Variants in SCLY observed in about 807,000 individuals in gnomAD.
The protein encoded by SCLY is selenocysteine lyase.
In SCLY, 38 loss-of-function variants were observed where a neutral mutation model predicts 50.1. The ratio of observed to expected loss-of-function variants is 0.76; its 90% CI spans 0.59 to 0.99. The LOEUF (loss-of-function observed/expected upper bound fraction) is 0.99. Among genes scored for constraint, SCLY ranks in the 50% least tolerant of loss-of-function variants. SCLY has a pLI of 0.00. For missense variants in SCLY, 600 were observed against 620.0 expected (o/e 0.97, Z 0.34); for synonymous variants, 243 against 249.4 (o/e 0.97, Z 0.24).
chr2:238,061,190 C>A (rs1046614938), intron 1 of SCLY, 47 bp downstream of exon 1: 7 of 1,373,154 alleles, frequency 5.1e-6, no homozygotes, highest in Non-Finnish European at 7.0e-6. Context: ...CGCCTGTCGC[C>A]GATTGTCCCG....
At position 238,069,580 on chromosome 2, in the gene SCLY, A is replaced by C. The variant is rs774851013; in HGVS notation, c.484+103A>C. ...CCCGGGATCCGCTGCAGAGATGTAG[A>C]TTCAGTGTGCCACTCACTGTAACTC... On this transcript the variant is annotated intron_variant, in intron 4 of 11. Coordinates refer to ENST00000254663, the MANE Select transcript of SCLY (RefSeq NM_016510.7). The surrounding 1 kb of genome is among the most constrained non-coding windows in gnomAD (Gnocchi z 5.0). 141 of 1,077,470 alleles carry C rather than the reference A, an allele frequency of 1.3e-4. No homozygotes were observed. The highest frequency in any genetic ancestry group is 1.7e-4 in the Non-Finnish European group (133 of 764,384). 66.7% of individuals were successfully genotyped at this position (1,077,470 alleles called of 1,614,324 possible). A position where few individuals can be genotyped will look rare whatever the true frequency, so the allele number is the denominator to read the frequency against.
At chr2:238,077,974 C>T (rs1211792594) in intron 4 of SCLY, among the ~76,000 whole-genome samples, 4 of 140,192 alleles carry the variant, frequency 2.9e-5, no homozygotes, top group African/African-American at 8.1e-5. Context: ...TTTTTTTAGA[C>T]GGAATCTCGC....
rs139477296 is a variant in SCLY at position 238,093,865 on chromosome 2, C to T, written c.926C>T (p.Ala309Val). The change falls in exon 9 of 12, where the codon GCG (alanine) becomes GTG (valine). Residue 309 changes from alanine (A) to valine (V), a missense_variant. Ala to Val is a moderately conservative substitution (Grantham distance 64). Transcript: ENST00000254663. ...TPMIAGLGKA[A>V]ELVTQNCEAY... ...TTGTTGTGTGTCTGCCCCCAGGCCG[C>T]GGAGCTGGTGACCCAGAACTGCGAG... 159 of 1,613,628 alleles carry T rather than the reference C, an allele frequency of 9.9e-5. No homozygotes were observed. Among genetic ancestry groups the T allele is most frequent in the Non-Finnish European group, 1.3e-4 (154 of 1,179,860 alleles).
At chr2:238,084,890 T>C (rs1443354775) in intron 7 of SCLY, among the ~76,000 whole-genome samples, 1 of 18,964 alleles carries the variant, frequency 5.3e-5, no homozygotes, top group Admixed American at 6.0e-4. Flanking sequence ...AGAGACTCCA[T>C]CTCAAAAAAA....
At chr2:238,082,582 A>G in intron 6 of SCLY, 1 of 223,920 alleles carries the variant, frequency 4.5e-6, no homozygotes, top group South Asian at 1.0e-4. Context: ...AGATGTAGGG[A>G]CAGGAAATCG....
At chr2:238,090,677 C>G (rs2065352524) in intron 7 of SCLY, among the ~76,000 whole-genome samples, 1 of 151,438 alleles carries the variant, frequency 6.6e-6, no homozygotes, top group African/African-American at 2.4e-5. Flanking sequence ...ATTTTTTTTT[C>G]CTGAAAATAG....
At chr2:238,089,547 ACCTGCGG>A (rs1222169511) in intron 7 of SCLY, among the ~76,000 whole-genome samples, 1 of 152,138 alleles carries the variant, frequency 6.6e-6, no homozygotes, top group African/African-American at 2.4e-5. Context: ...AGCTTGTCCA[ACCTGCGG>A]CCTGCAGGCT....
rs2106438261 is a variant in SCLY, at chr2:238,069,471, G to A, written c.478G>A (p.Val160Met). The A allele has an allele frequency of 6.2e-7, 1 of 1,611,602 alleles. No homozygotes were observed. Among genetic ancestry groups the A allele is most frequent in the Non-Finnish European group, 8.5e-7 (1 of 1,178,738 alleles). Residue 160 changes from valine to methionine, a missense_variant, in exon 4 of 12, where the codon GTG becomes ATG. Val to Met is a conservative substitution (Grantham distance 21). Coordinates refer to ENST00000254663, the MANE Select transcript of SCLY (RefSeq NM_016510.7). The surrounding 1 kb of genome is among the most constrained non-coding windows in gnomAD (Gnocchi z 5.0). ...CCTGGAGCACCTGGTGGAAGAACAAGTGGCAGGTGAGTGAGTGCAGGGTGG... is the reference window on the plus strand; with the variant it reads ...CCTGGAGCACCTGGTGGAAGAACAAATGGCAGGTGAGTGAGTGCAGGGTGG... ...LPLEHLVEEQ[V>M]AAVTFVPVSK...
chr2:238,081,046 G>C (rs2065231624), intron 4 of SCLY: 2 of 152,350 alleles, frequency 1.3e-5, no homozygotes, highest in Admixed American at 1.3e-4. Context: ...GCCCAGGCTG[G>C]TCTTGAACCC....
At position 238,066,459 on chromosome 2, in the gene SCLY, G is replaced by C. The variant is rs532107753; in HGVS notation, c.203-1606G>C. Among the ~76,000 whole-genome samples the C allele has an allele frequency of 8.5e-5, 13 of 152,212 alleles. No homozygotes were observed. Among genetic ancestry groups the C allele is most frequent in the Non-Finnish European group, 1.6e-4 (11 of 68,040 alleles). On this transcript the variant is annotated intron_variant, in intron 2 of 11. Transcript: ENST00000254663. This position sits in a 1 kb window ranked among gnomAD's most constrained non-coding sequence, Gnocchi z 4.1. Reference sequence around the variant, plus strand: ...CAGCTGTGTACTCAGCACCCTGTTGGGGGAGGGATGAAGCACGGTGCCCAA... The same window carrying C: ...CAGCTGTGTACTCAGCACCCTGTTGCGGGAGGGATGAAGCACGGTGCCCAA...
chr2:238,071,265 T>C (rs2065124576), intron 4 of SCLY, among the ~76,000 whole-genome samples: 1 of 152,212 alleles, frequency 6.6e-6, no homozygotes, highest in African/African-American at 2.4e-5. Context: ...AAAAAATGTA[T>C]AGACATGCAT....
rs965595287 is a variant in SCLY, at chr2:238,091,248, T to G, written c.915T>G (p.Leu305=). 6.2e-7 allele frequency: 1 copy of G among 1,613,462 alleles called. No individual in the cohort carries two copies. Among genetic ancestry groups the G allele is most frequent in the Non-Finnish European group, 8.5e-7 (1 of 1,179,504 alleles). ...GTENTPMIAG[L]GKAAELVTQN... is the part of the protein sequence containing the mutation. Reference sequence around the variant, plus strand: ...AGAACACCCCAATGATTGCTGGCCTTGGGAAGGTGAGCCCTGGTGAGCTTG... The same window carrying G: ...AGAACACCCCAATGATTGCTGGCCTGGGGAAGGTGAGCCCTGGTGAGCTTG... The change falls in exon 8 of 12, where the codon CTT becomes CTG. Residue 305 remains leucine, a synonymous_variant. Transcript: ENST00000254663.
intron 4 of SCLY, among the ~76,000 whole-genome samples, chr2:238,071,110 G>A (rs2065122904): frequency 6.6e-6 from 1 of 152,046 alleles, no homozygotes; most frequent in Admixed American, 6.6e-5. Context: ...GGGATTACAG[G>A]TGTGAGCCAC....
intron 8 of SCLY, chr2:238,091,553 TCCCAAAG>T: frequency 3.3e-4 from 111 of 338,560 alleles, no homozygotes; most frequent in South Asian, 7.5e-4. Flanking sequence ...GGTTCACCAT[TCCCAAAG>T]GCGTCGGCAG....
In SCLY at chr2:238,067,274, A is replaced by G. The variant is rs1413736091; in HGVS notation, c.203-791A>G. ...TTAAGGAGCAGCAGAATTACTTTGCATATTTATTTTACCTCAGCTTTTTAT... is the reference window on the plus strand; with the variant it reads ...TTAAGGAGCAGCAGAATTACTTTGCGTATTTATTTTACCTCAGCTTTTTAT... On this transcript the variant is annotated intron_variant, in intron 2 of 11. Coordinates refer to ENST00000254663, the MANE Select transcript of SCLY (RefSeq NM_016510.7). This position sits in a 1 kb window ranked among gnomAD's most constrained non-coding sequence, Gnocchi z 4.3. Among the ~76,000 whole-genome samples, 1 of 152,214 alleles carries G rather than the reference A, an allele frequency of 6.6e-6. No individual in the cohort carries two copies. Among genetic ancestry groups the G allele is most frequent in the Non-Finnish European group, 1.5e-5 (1 of 68,030 alleles).
chr2:238,064,384 G>A lies in SCLY; in HGVS notation c.117G>A (p.Thr39=), dbSNP rs1452316566. 5.6e-6 allele frequency: 9 copies of A among 1,608,422 alleles called. No homozygotes were observed. The highest frequency in any genetic ancestry group is 2.2e-5 in the East Asian group (1 of 44,462). ...AAGTTTATATGGACTATAATGCAAC[G>A]ACTCCCCTGGAGCCAGAAGTTATCC... ...ERKVYMDYNA[T]TPLEPEVIQA... The change falls in exon 2 of 12, where the codon ACG becomes ACA. Residue 39 remains threonine (T), a synonymous_variant. Coordinates refer to ENST00000254663, the MANE Select transcript of SCLY (RefSeq NM_016510.7).
chr2:238,068,670 A>C (rs1266765501), intron 3 of SCLY, among the ~76,000 whole-genome samples: 1 of 152,232 alleles, frequency 6.6e-6, no homozygotes, highest in East Asian at 1.9e-4. Flanking sequence ...TATGTAAAGT[A>C]ACCTGCTTTG....
intron 4 of SCLY, chr2:238,073,989 A>C (rs1449305949): frequency 3.6e-6 from 1 of 276,612 alleles, no homozygotes; most frequent in East Asian, 1.0e-4. Flanking sequence ...TCTAGTCAAC[A>C]GTAGGTTATT....
rs117294820 is a variant in SCLY, at chr2:238,094,277, G to A, written c.1006-143G>A. ...TAATTAACTTTGCTTTCCATAGTCC[G>A]TCCCCGTAACTATTCTGGGTAGATG... is the stretch of plus-strand genomic sequence containing the variant. On this transcript the variant is annotated intron_variant, in intron 9 of 11. Transcript: ENST00000254663. 957 of 727,546 alleles carry A rather than the reference G, an allele frequency of 1.3e-3. 11 individuals are homozygous for A. The highest frequency in any genetic ancestry group is 0.012 in the South Asian group (683 of 57,050). 45.1% of individuals were successfully genotyped at this position (727,546 alleles called of 1,614,324 possible).
Sources: gnomAD v4.1 joint callset for allele counts (sites outside exome capture counted in the v4.1 genomes callset) on GRCh38, gnomAD v4.1.1 for gene constraint, Gnocchi (gnomAD v3.1) non-coding constraint, MANE v1.5 for transcripts, NCBI Gene and HGNC (gene_info 2026-07-23, HGNC 2026-07-21) for gene names.